The following ROBO2 variants were observed in gnomAD, a reference collection of about 807,000 sequenced individuals.
ROBO2 encodes the protein roundabout homolog 2.
Under a neutral mutation model 160.8 loss-of-function variants are expected in ROBO2, and 53 were observed. That is an observed-to-expected ratio of 0.33 (90% CI 0.26 to 0.41). The LOEUF is 0.41. ROBO2 is among the 10% of genes least tolerant of loss of function. ROBO2 has a pLI of 1.00. For synonymous variants in ROBO2, 664 were observed against 611.7 expected (o/e 1.09, Z -1.26); for missense variants, 1,577 against 1,722.4 (o/e 0.92, Z 1.49).
intron 2 of ROBO2, among the ~76,000 whole-genome samples, chr3:76,405,125 G>T (rs2078055092): frequency 6.6e-6 from 1 of 151,468 alleles, no homozygotes; most frequent in Non-Finnish European, 1.5e-5. Flanking sequence ...TGAGGTTGAT[G>T]TTGAATTGTT....
chr3:76,799,336 T>A (rs1264682714), intron 2 of ROBO2, among the ~76,000 whole-genome samples: 1 of 152,170 alleles, frequency 6.6e-6, no homozygotes, highest in Non-Finnish European at 1.5e-5. Context: ...GGATGCCTAC[T>A]CTCACCACTG....
intron 2 of ROBO2, among the ~76,000 whole-genome samples, chr3:76,923,743 GC>G (rs2076812968): frequency 6.6e-6 from 1 of 152,340 alleles, no homozygotes; most frequent in East Asian, 1.9e-4. Flanking sequence ...TGTGCTGACA[GC>G]CTGAAACTGA....
rs528828180 is a variant in ROBO2, at chr3:77,352,382, C to T, written c.389-125032C>T. ...ATCATTCTATTTCGTGGAAGATATT[C>T]TCATGCAGGTGGTCTGACATCCTGT... On this transcript the variant is annotated intron_variant, in intron 2 of 25. Transcript: ENST00000461745. Among the ~76,000 whole-genome samples, 3 of 152,174 alleles carry T rather than the reference C, an allele frequency of 2.0e-5. No individual in the cohort carries two copies. The South Asian group carries it at 6.2e-4, about 32-fold the overall frequency.
chr3:76,904,305 TACA>T (rs751945002), intron 2 of ROBO2, among the ~76,000 whole-genome samples: 1 of 152,178 alleles, frequency 6.6e-6, no homozygotes, highest in Non-Finnish European at 1.5e-5. Context: ...ATACGGAAAC[TACA>T]ACAACATGTG....
chr3:76,754,249 A>G (rs1479956333), intron 2 of ROBO2, among the ~76,000 whole-genome samples: 1 of 151,952 alleles, frequency 6.6e-6, no homozygotes, highest in African/African-American at 2.4e-5. Flanking sequence ...CTAGGCCGTT[A>G]GAGAAATTAG....
chr3:76,503,715 C>T (rs2080609724), intron 2 of ROBO2, among the ~76,000 whole-genome samples: 2 of 152,126 alleles, frequency 1.3e-5, no homozygotes, highest in South Asian at 4.1e-4. Flanking sequence ...AACTACCTCT[C>T]AATCTCACTT....
intron 2 of ROBO2, among the ~76,000 whole-genome samples, chr3:76,799,622 C>T (rs922939059): frequency 2.6e-5 from 4 of 151,640 alleles, no homozygotes; most frequent in Non-Finnish European, 5.9e-5. Flanking sequence ...ATCCCATTTA[C>T]AATAGCTACA....
intron 2 of ROBO2, among the ~76,000 whole-genome samples, chr3:77,251,507 G>A (rs540616756): frequency 6.6e-6 from 1 of 152,136 alleles, no homozygotes; most frequent in South Asian, 2.1e-4. Context: ...GATAAGATAC[G>A]GTCATTATCT....
At chr3:77,337,394 G>A (rs570761345) in intron 2 of ROBO2, among the ~76,000 whole-genome samples, 1 of 152,024 alleles carries the variant, frequency 6.6e-6, no homozygotes, top group African/African-American at 2.4e-5. Context: ...AGCCAATTCT[G>A]TTCATGGTTA....
intron 2 of ROBO2, among the ~76,000 whole-genome samples, chr3:76,265,127 G>A (rs562336173): frequency 1.3e-5 from 2 of 152,126 alleles, no homozygotes; most frequent in South Asian, 2.1e-4. Context: ...TCCCACGCAG[G>A]CTGAAGCCTG....
At chr3:77,558,983 A>G (rs761686608) in intron 9 of ROBO2, among the ~76,000 whole-genome samples, 1 of 152,004 alleles carries the variant, frequency 6.6e-6, no homozygotes, top group Non-Finnish European at 1.5e-5. Context: ...TTGACACAGG[A>G]TGGATTTGCT....
chr3:75,927,098 G>A (rs1411366042), intron 1 of ROBO2, among the ~76,000 whole-genome samples: 1 of 152,142 alleles, frequency 6.6e-6, no homozygotes, highest in African/African-American at 2.4e-5. Flanking sequence ...ATAAAAGGGA[G>A]ATCATCCTCT....
chr3:76,347,119 G>A (rs1322007717), intron 2 of ROBO2, among the ~76,000 whole-genome samples: 3 of 152,008 alleles, frequency 2.0e-5, no homozygotes, highest in Non-Finnish European at 2.9e-5. Flanking sequence ...GATTTGTTTT[G>A]AGTAAAATTA....
chr3:76,747,893 T>C lies in ROBO2; in HGVS notation c.110-350121T>C, dbSNP rs141430874. Among the ~76,000 whole-genome samples the C allele has an allele frequency of 6.5e-3, 988 of 152,166 alleles. 6 individuals carry two copies. The highest frequency in any genetic ancestry group is 0.024 in the Middle Eastern group (7 of 294). The stretch of plus-strand genomic sequence containing the variant: ...GTATTCTTCCTCTGAAATTAGTTTA[T>C]GGGTTTAAATTTAACCTGTATAAAT... On this transcript the variant is annotated intron_variant, in intron 2 of 26. Transcript: ENST00000487694.
intron 2 of ROBO2, among the ~76,000 whole-genome samples, chr3:77,300,555 A>G (rs1014325380): frequency 6.6e-6 from 1 of 152,010 alleles, no homozygotes; most frequent in African/African-American, 2.4e-5. Context: ...ATAAATACTG[A>G]TGCTAACAGA....
At chr3:75,983,878 T>C (rs2107465431) in intron 2 of ROBO2, among the ~76,000 whole-genome samples, 1 of 151,638 alleles carries the variant, frequency 6.6e-6, no homozygotes, top group South Asian at 2.1e-4. Flanking sequence ...TAATTACTTA[T>C]TAATAACTAG....
chr3:76,315,055 T>A (rs1457162468), intron 2 of ROBO2, among the ~76,000 whole-genome samples: 1 of 151,888 alleles, frequency 6.6e-6, no homozygotes, highest in Non-Finnish European at 1.5e-5. Flanking sequence ...CATGAAATAG[T>A]CAAAACGTTG....
At chr3:77,069,623 G>C (rs1199508253) in intron 1 of ROBO2, among the ~76,000 whole-genome samples, 1 of 152,176 alleles carries the variant, frequency 6.6e-6, no homozygotes, top group African/African-American at 2.4e-5. Context: ...GTGGTGGTTA[G>C]ATTGAATAAC....
intron 2 of ROBO2, among the ~76,000 whole-genome samples, chr3:77,156,135 A>T (rs1022647251): frequency 6.6e-6 from 1 of 151,746 alleles, no homozygotes; most frequent in African/African-American, 2.4e-5. Flanking sequence ...ACATCATCCA[A>T]ACCGAACTTA....
Sources: allele counts gnomAD v4.1 joint callset (sites outside exome capture counted in the v4.1 genomes callset), GRCh38; gene constraint gnomAD v4.1.1; transcripts MANE v1.5; gene names NCBI Gene and HGNC (gene_info 2026-07-23, HGNC 2026-07-21).